AGTPBP1: variants seen among roughly 807,000 people sequenced by gnomAD.
AGTPBP1 encodes cytosolic carboxypeptidase 1.
Under a neutral mutation model 143.9 loss-of-function variants are expected in AGTPBP1, and 70 were observed. That is an observed-to-expected ratio of 0.49 (90% CI 0.40 to 0.59). AGTPBP1 has a LOEUF of 0.59. AGTPBP1 is among the 20% of genes least tolerant of loss of function. AGTPBP1 has a pLI of 0.00. For missense variants in AGTPBP1, 1,229 were observed against 1,464.5 expected (o/e 0.84, Z 2.62); for synonymous variants, 463 against 500.2 (o/e 0.93, Z 0.99).
At chr9:85,776,764 C>A in the AGTPBP1 span, among the ~76,000 whole-genome samples, 1 of 152,130 alleles carries the variant, frequency 6.6e-6, no homozygotes, top group Non-Finnish European at 1.5e-5. Flanking sequence ...GGCAGTGTTC[C>A]TTCCTCTGAA....
At chr9:85,604,328 A>G (rs1038378337) in intron 17 of AGTPBP1, among the ~76,000 whole-genome samples, 1 of 152,230 alleles carries the variant, frequency 6.6e-6, no homozygotes, top group Non-Finnish European at 1.5e-5. Flanking sequence ...TCTGCCTGAT[A>G]ATCCAAGAAA....
Position 85,662,337 on chromosome 9 carries a change from T to C in AGTPBP1, c.663-1364A>G, listed in dbSNP as rs567407930. 7.2e-5 allele frequency among the ~76,000 whole-genome samples: 11 copies of C among 152,308 alleles called. No individual in the cohort carries two copies. The South Asian group carries it at 2.3e-3, about 32-fold the overall frequency. On this transcript the variant is annotated intron_variant, in intron 8 of 25. Coordinates refer to ENST00000357081, the MANE Select transcript of AGTPBP1 (RefSeq NM_001330701.2). ...ACGAATTTGTAAAATAAGAAATTCA[T>C]ACCTGTAACTTCCTCAAAACAATGT...
At chr9:85,719,022 G>T (rs1837921756) in intron 1 of AGTPBP1, among the ~76,000 whole-genome samples, 1 of 152,054 alleles carries the variant, frequency 6.6e-6, no homozygotes, top group African/African-American at 2.4e-5. Context: ...TGTTCCATTG[G>T]TCTATATCCC....
chr9:85,786,392 C>G, the AGTPBP1 span: 10 of 1,613,898 alleles, frequency 6.2e-6, no homozygotes, highest in Non-Finnish European at 8.5e-6. Context: ...ACTGTCATCC[C>G]AAATTCAGGT....
At chr9:85,652,850 C>T (rs35771156) in intron 11 of AGTPBP1, among the ~76,000 whole-genome samples, 12,566 of 152,114 alleles carry the variant, frequency 0.083, 565 homozygotes, top group Non-Finnish European at 0.095. Flanking sequence ...TGGTAGCAGT[C>T]CTGTGGGACT....
rs765027059 is a variant in AGTPBP1, at chr9:85,592,720, A to G, written c.2424-16T>C. The stretch of plus-strand genomic sequence containing the variant: ...GAAATGATTTCTGCAATAAAAACGC[A>G]TAAAACATGTTCATTTCATCCACAT... On this transcript the variant is annotated splice_polypyrimidine_tract_variant and intron_variant, in intron 18 of 25. Coordinates refer to ENST00000357081, the MANE Select transcript of AGTPBP1 (RefSeq NM_001330701.2). 14 of 1,607,410 alleles carry G rather than the reference A, an allele frequency of 8.7e-6. No homozygotes were observed. Among genetic ancestry groups the G allele is most frequent in the Non-Finnish European group, 1.1e-5 (13 of 1,177,802 alleles).
upstream of AGTPBP1, chr9:85,742,140 C>A: frequency 1.3e-6 from 1 of 786,778 alleles, no homozygotes; most frequent in Non-Finnish European, 1.6e-6. Flanking sequence ...CCTCTCTGCG[C>A]GCCTGACGGG....
At chr9:85,778,036 C>T in the AGTPBP1 span, among the ~76,000 whole-genome samples, 13 of 152,332 alleles carry the variant, frequency 8.5e-5, no homozygotes, top group African/African-American at 2.9e-4. Flanking sequence ...TCATAGGGAA[C>T]TCCCCATGAG....
At chr9:85,567,691 T>C (rs1213277287) in intron 25 of AGTPBP1, among the ~76,000 whole-genome samples, 1 of 151,892 alleles carries the variant, frequency 6.6e-6, no homozygotes, top group African/African-American at 2.4e-5. Context: ...TCCCAGGAGA[T>C]AAGTTCTGGG....
At chr9:85,690,927 T>C (rs1216157313) in intron 3 of AGTPBP1, among the ~76,000 whole-genome samples, 2 of 151,960 alleles carry the variant, frequency 1.3e-5, no homozygotes, top group African/African-American at 2.4e-5. Context: ...AATGCTGGAG[T>C]AGGGGTTCTA....
At chr9:85,561,514 A>T (rs1429832781) in intron 25 of AGTPBP1, among the ~76,000 whole-genome samples, 1 of 152,164 alleles carries the variant, frequency 6.6e-6, no homozygotes, top group Non-Finnish European at 1.5e-5. Flanking sequence ...AAAGAGAGTA[A>T]ATGTCACCTA....
intron 8 of AGTPBP1, among the ~76,000 whole-genome samples, chr9:85,665,060 C>T (rs1564120862): frequency 6.6e-6 from 1 of 152,174 alleles, no homozygotes; most frequent in Non-Finnish European, 1.5e-5. Flanking sequence ...TGCAGTTAAT[C>T]ACTGTTATGG....
At chr9:85,768,484 C>T in the AGTPBP1 span, among the ~76,000 whole-genome samples, 3 of 151,960 alleles carry the variant, frequency 2.0e-5, no homozygotes, top group East Asian at 3.9e-4. Context: ...AAATTTGTTT[C>T]GTTATGTATT....
chr9:85,689,445 T>G (rs1047207617), intron 3 of AGTPBP1, among the ~76,000 whole-genome samples: 6 of 152,182 alleles, frequency 3.9e-5, no homozygotes, highest in African/African-American at 1.4e-4. Flanking sequence ...AATAGCTGCA[T>G]AATATGGCTA....
intron 8 of AGTPBP1, among the ~76,000 whole-genome samples, chr9:85,661,924 A>T (rs928085089): frequency 1.3e-5 from 2 of 152,176 alleles, no homozygotes; most frequent in Admixed American, 6.6e-5. Flanking sequence ...CCTACTTGAT[A>T]ACCACAGTAG....
intron 3 of AGTPBP1, among the ~76,000 whole-genome samples, chr9:85,690,741 TC>T (rs1835813333): frequency 6.6e-6 from 1 of 151,048 alleles, no homozygotes; most frequent in African/African-American, 2.5e-5. Flanking sequence ...AGCAGTATGG[TC>T]AGGAGTATTT....
At chr9:85,628,352 G>T (rs965379894) in intron 14 of AGTPBP1, among the ~76,000 whole-genome samples, 18 of 152,148 alleles carry the variant, frequency 1.2e-4, no homozygotes, top group Admixed American at 7.2e-4. Flanking sequence ...GGCAAATATG[G>T]CAGGAAAATG....
At chr9:85,678,534 A>G (rs1477416565) in intron 4 of AGTPBP1, 136 bp from the exon 5 acceptor site, 4 of 461,548 alleles carry the variant, frequency 8.7e-6, no homozygotes, top group Non-Finnish European at 1.5e-5. Flanking sequence ...GGTTTTCACT[A>G]TTATCATTTC....
chr9:85,673,366 A>G (rs1463087586), intron 6 of AGTPBP1, among the ~76,000 whole-genome samples: 1 of 152,164 alleles, frequency 6.6e-6, no homozygotes, highest in Non-Finnish European at 1.5e-5. Context: ...CACAGAGTTA[A>G]AAGGAACAAA....
Sources: allele counts gnomAD v4.1 joint callset (sites outside exome capture counted in the v4.1 genomes callset), GRCh38; gene constraint gnomAD v4.1.1; transcripts MANE v1.5; gene names NCBI Gene and HGNC (gene_info 2026-07-23, HGNC 2026-07-21).